Variants in SEMA5A observed in about 807,000 individuals in gnomAD.
SEMA5A encodes semaphorin-5A.
In SEMA5A, 55 loss-of-function variants were observed where a neutral mutation model predicts 135.5. The ratio of observed to expected loss-of-function variants is 0.41; its 90% CI spans 0.33 to 0.51. The LOEUF is 0.51. SEMA5A is among the 20% of genes least tolerant of loss of function. SEMA5A has a pLI of 0.37. For missense variants in SEMA5A, 1,290 were observed against 1,419.9 expected, an observed-to-expected ratio of 0.91 and a Z score of 1.47; for synonymous variants, 580 against 546.5, an observed-to-expected ratio of 1.06 and a Z score of -0.85.
chr5:9,209,093 G>A (rs1052591595), intron 8 of SEMA5A, among the ~76,000 whole-genome samples: 12 of 152,154 alleles, frequency 7.9e-5, no homozygotes, highest in Non-Finnish European at 1.5e-5. Context: ...GGGGAAATGG[G>A]CTGGCTTCCC....
At chr5:9,104,843 T>G (rs200602279) in intron 16 of SEMA5A, among the ~76,000 whole-genome samples, 1 of 152,168 alleles carries the variant, frequency 6.6e-6, no homozygotes, top group East Asian at 1.9e-4. Flanking sequence ...TTAGCCTACT[T>G]GGAAGTGGGG....
At position 9,122,678 on chromosome 5, in the gene SEMA5A, T is replaced by C. The variant is rs145902898; in HGVS notation, c.1759A>G (p.Met587Val). The part of the protein sequence containing the change: ...CGGWQCEGPG[M>V]EIANCSRNGG... ...CACCTGGAACAGTTGGCGATCTCCA[T>C]GCCAGGGCCCTCGCACTGCCAGCCA... The change falls in exon 14 of 23, where the codon ATG becomes GTG. Residue 587 changes from methionine (M) to valine (V), a missense_variant. Met to Val is a conservative substitution (Grantham distance 21). Around this residue, in one of 3 missense-constraint regions of SEMA5A, gnomAD observed 1,029 missense variants for 1,086.6 expected, o/e 0.95. Transcript: ENST00000382496. 8.7e-6 allele frequency: 14 copies of C among 1,606,428 alleles called. No individual in the cohort carries two copies. In the African/African-American group the frequency reaches 1.7e-4, roughly 20 times the overall value.
intron 5 of SEMA5A, among the ~76,000 whole-genome samples, chr5:9,273,365 G>A (rs1261489156): frequency 6.6e-6 from 1 of 152,122 alleles, no homozygotes; most frequent in Admixed American, 6.5e-5. Context: ...ATGTTTGATT[G>A]GGCTACCTTA....
At chr5:9,221,945 G>A (rs1373903830) in intron 8 of SEMA5A, among the ~76,000 whole-genome samples, 1 of 152,132 alleles carries the variant, frequency 6.6e-6, no homozygotes, top group Non-Finnish European at 1.5e-5. Flanking sequence ...GAGCTGACCT[G>A]AGGGCCTCAC....
At chr5:9,452,883 G>A (rs1157843255) in intron 1 of SEMA5A, among the ~76,000 whole-genome samples, 3 of 152,100 alleles carry the variant, frequency 2.0e-5, no homozygotes, top group Non-Finnish European at 4.4e-5. Flanking sequence ...GGCTCCCAAC[G>A]GGGTCTAATA....
rs1370004147 is a variant in SEMA5A, at chr5:9,142,850, G to A, written c.1482-6229C>T. On this transcript the variant is annotated intron_variant, in intron 12 of 22. Transcript: ENST00000382496. ...ATGATGGCACATGCCATGTTGGGAG[G>A]CCGAGGCAGGAGAATCACTTGAACC... Among the ~76,000 whole-genome samples, 12 of 152,310 alleles carry A rather than the reference G, an allele frequency of 7.9e-5. No individual in the cohort carries two copies. In the East Asian group the frequency reaches 1.7e-3, roughly 22 times the overall value.
chr5:9,090,656 G>A (rs758549596), intron 16 of SEMA5A, among the ~76,000 whole-genome samples: 1 of 152,150 alleles, frequency 6.6e-6, no homozygotes, highest in African/African-American at 2.4e-5. Flanking sequence ...ACTACTCATG[G>A]AGCAGCTACT....
intron 3 of SEMA5A, among the ~76,000 whole-genome samples, chr5:9,360,471 T>C (rs1287310040): frequency 1.3e-5 from 2 of 152,234 alleles, no homozygotes; most frequent in East Asian, 1.9e-4. Flanking sequence ...ATCTCAATTG[T>C]GTCCCCCAAA....
chr5:9,118,986 G>A lies in SEMA5A; in HGVS notation c.1925+12C>T. Reference sequence around the variant, plus strand: ...TGAGGCTGGCGGTGCTGGCAGCAGGGTGGGCACGTACCTTTCCTCGCGGTT... The same window carrying A: ...TGAGGCTGGCGGTGCTGGCAGCAGGATGGGCACGTACCTTTCCTCGCGGTT... On this transcript the variant is annotated intron_variant, in intron 15 of 22. Coordinates refer to ENST00000382496, the MANE Select transcript of SEMA5A (RefSeq NM_003966.3). The A allele has an allele frequency of 1.9e-6, 3 of 1,610,998 alleles. No homozygotes were observed. The highest frequency in any genetic ancestry group is 2.2e-5 in the East Asian group (1 of 44,802).
At chr5:9,492,083 T>G (rs268473) in intron 1 of SEMA5A, among the ~76,000 whole-genome samples, 2 of 152,170 alleles carry the variant, frequency 1.3e-5, no homozygotes, top group African/African-American at 4.8e-5. Context: ...CTGCTGTGTA[T>G]GACACATTCT....
At chr5:9,054,850 G>A (rs1038882667) in intron 18 of SEMA5A, among the ~76,000 whole-genome samples, 6 of 152,220 alleles carry the variant, frequency 3.9e-5, no homozygotes, top group Non-Finnish European at 7.3e-5. Flanking sequence ...ATTAAGTACA[G>A]CCACACAGAC....
intron 11 of SEMA5A, among the ~76,000 whole-genome samples, chr5:9,168,474 G>T (rs1743734896): frequency 6.6e-6 from 1 of 152,188 alleles, no homozygotes. Context: ...GCTTAGCATG[G>T]TGCCAAGGTC....
intron 11 of SEMA5A, among the ~76,000 whole-genome samples, chr5:9,169,791 C>T (rs1743814240): frequency 6.6e-6 from 1 of 152,168 alleles, no homozygotes; most frequent in African/African-American, 2.4e-5. Flanking sequence ...AATGACACTG[C>T]CCTCATGATA....
chr5:9,538,211 ATG>A (rs1737878970), intron 1 of SEMA5A, among the ~76,000 whole-genome samples: 1 of 147,048 alleles, frequency 6.8e-6, no homozygotes, highest in Non-Finnish European at 1.5e-5. Context: ...TAACTGCAAA[ATG>A]TGCCAAAGCA....
At position 9,405,264 on chromosome 5, in the gene SEMA5A, C is replaced by T. The variant is rs1175141250; in HGVS notation, c.-77-25241G>A. Among the ~76,000 whole-genome samples, 4 of 152,134 alleles carry T rather than the reference C, an allele frequency of 2.6e-5. 1 individual carries two copies. Among genetic ancestry groups the T allele is most frequent in the Middle Eastern group, 6.3e-3 (2 of 316 alleles). ...CAGACTCCCCAGAGATTCAAAATTC[C>T]CCAGGAATCTCACCATTTGGACAGA... On this transcript the variant is annotated intron_variant, in intron 2 of 22. Coordinates refer to ENST00000382496, the MANE Select transcript of SEMA5A (RefSeq NM_003966.3).
In SEMA5A at chr5:9,050,454, A is replaced by G. The variant is rs779589945; in HGVS notation, c.2849T>C (p.Val950Ala). The G allele has an allele frequency of 1.9e-6, 3 of 1,612,422 alleles. No individual in the cohort carries two copies. The highest frequency in any genetic ancestry group is 1.7e-6 in the Non-Finnish European group (2 of 1,179,298). The change falls in exon 21 of 23, where the codon GTA (valine) becomes GCA (alanine). Residue 950 changes from valine to alanine, a missense_variant. Val to Ala is a moderately conservative substitution (Grantham distance 64). Coordinates refer to ENST00000382496, the MANE Select transcript of SEMA5A (RefSeq NM_003966.3). ...TACGCTACTGGATCTTGCCACAGAT[A>G]CTTCTGGAAAAAGAAAAGTCGAATC... ...CVFDSNFIPE[V>A]SVARSSSVEE...
chr5:9,179,331 C>T (rs1233035396), intron 11 of SEMA5A, among the ~76,000 whole-genome samples: 1 of 152,120 alleles, frequency 6.6e-6, no homozygotes, highest in Non-Finnish European at 1.5e-5. Context: ...GGGCAACTTC[C>T]AGTCAATACT....
chr5:9,146,792 A>G (rs1742362462), intron 12 of SEMA5A, among the ~76,000 whole-genome samples: 2 of 152,210 alleles, frequency 1.3e-5, no homozygotes, highest in South Asian at 4.1e-4. Context: ...TTCAATAAAT[A>G]TAATATAAAG....
At chr5:9,122,245 T>G (rs774454372) in intron 14 of SEMA5A, among the ~76,000 whole-genome samples, 4 of 152,220 alleles carry the variant, frequency 2.6e-5, no homozygotes, top group Non-Finnish European at 5.9e-5. Flanking sequence ...TGAGGTGCTC[T>G]GAGCTCCAAT....
Sources: gnomAD v4.1 joint callset for allele counts (sites outside exome capture counted in the v4.1 genomes callset) on GRCh38, gnomAD v4.1.1 for gene constraint, gnomAD v4.1.1 regional missense constraint, MANE v1.5 for transcripts, NCBI Gene and HGNC (gene_info 2026-07-23, HGNC 2026-07-21) for gene names.